Variants in RAD51B observed in about 807,000 individuals in gnomAD.
The protein encoded by RAD51B is DNA repair protein RAD51 homolog 2.
In RAD51B, 38 loss-of-function variants were observed where a neutral mutation model predicts 42.2. The ratio of observed to expected loss-of-function variants is 0.90; its 90% CI spans 0.70 to 1.18. RAD51B has a LOEUF of 1.18. Ranked by LOEUF, RAD51B falls within the 50% of genes most tolerant of loss-of-function variation. The pLI is 0.00. For missense variants in RAD51B, 373 were observed against 400.7 expected, an observed-to-expected ratio of 0.93 and a Z score of 0.59; for synonymous variants, 154 against 145.2, an observed-to-expected ratio of 1.06 and a Z score of -0.43.
chr14:67,905,351 G>A (rs986131830), intron 7 of RAD51B, among the ~76,000 whole-genome samples: 2 of 152,086 alleles, frequency 1.3e-5, no homozygotes, highest in African/African-American at 4.8e-5. Flanking sequence ...GTTGGGTAGT[G>A]TGATGCTTCT....
intron 10 of RAD51B, among the ~76,000 whole-genome samples, chr14:68,560,288 A>G (rs1258203504): frequency 6.6e-6 from 1 of 152,150 alleles, no homozygotes; most frequent in African/African-American, 2.4e-5. Flanking sequence ...TTCTTTTTCA[A>G]TTTCATAAAG....
intron 8 of RAD51B, among the ~76,000 whole-genome samples, chr14:68,371,036 C>CAAA (rs75617123): frequency 0.067 from 1,721 of 25,808 alleles, 275 homozygotes; most frequent in East Asian, 0.29. Context: ...GACTCTGTCT[C>CAAA]AAAAAAAAAA....
At chr14:68,389,651 TG>T (rs2083691697) in intron 8 of RAD51B, among the ~76,000 whole-genome samples, 1 of 152,260 alleles carries the variant, frequency 6.6e-6, no homozygotes, top group South Asian at 2.1e-4. Flanking sequence ...TCTACCAATG[TG>T]TTCTAAATGT....
chr14:68,628,659 C>T (rs1370151501), intron 10 of RAD51B, among the ~76,000 whole-genome samples: 1 of 152,164 alleles, frequency 6.6e-6, no homozygotes, highest in Non-Finnish European at 1.5e-5. Context: ...GTTGACTCTG[C>T]CGTTTGGGTC....
chr14:68,122,228 T>G (rs2077664776), intron 7 of RAD51B, among the ~76,000 whole-genome samples: 1 of 152,100 alleles, frequency 6.6e-6, no homozygotes, highest in African/African-American at 2.4e-5. Context: ...ATAACTAACT[T>G]TAAATACTAA....
intron 10 of RAD51B, among the ~76,000 whole-genome samples, chr14:68,536,076 C>T (rs144542590): frequency 3.3e-5 from 5 of 152,296 alleles, no homozygotes; most frequent in Middle Eastern, 3.4e-3. Flanking sequence ...GCAGGAAACA[C>T]AAGGCTCACA....
intron 10 of RAD51B, among the ~76,000 whole-genome samples, chr14:68,624,657 C>A (rs1412173630): frequency 6.6e-6 from 1 of 152,090 alleles, no homozygotes; most frequent in African/African-American, 2.4e-5. Context: ...GGAAGAGAAG[C>A]CTAGGTTCTC....
rs200026906 is a variant in RAD51B at position 67,899,342 on chromosome 14, C to T, written c.756+12138C>T. On this transcript the variant is annotated intron_variant, in intron 7 of 10. Coordinates refer to ENST00000471583, the MANE Select transcript of RAD51B (RefSeq NM_133510.4). The stretch of plus-strand genomic sequence containing the variant: ...GGGATTACAGGTGTGAGCCACCACA[C>T]CCGGCCTAGATTATTTTAATGTTGA... Among the ~76,000 whole-genome samples the T allele has an allele frequency of 4.6e-5, 7 of 152,238 alleles. No homozygotes were observed. In the East Asian group the frequency reaches 5.8e-4, roughly 13 times the overall value.
chr14:67,921,283 C>T (rs2044313513), intron 7 of RAD51B, among the ~76,000 whole-genome samples: 3 of 152,120 alleles, frequency 2.0e-5, no homozygotes, highest in Admixed American at 2.0e-4. Flanking sequence ...TCATAGCTTA[C>T]TGCAGCCCTG....
chr14:68,453,277 A>C (rs1323454881), intron 9 of RAD51B, among the ~76,000 whole-genome samples: 2 of 152,246 alleles, frequency 1.3e-5, no homozygotes, highest in Non-Finnish European at 2.9e-5. Flanking sequence ...CAAAGAGAGC[A>C]TGAATCTTTT....
chr14:67,885,791 A>G, intron 5 of RAD51B, 78 bp from the exon 6 acceptor site: 1 of 1,499,070 alleles, frequency 6.7e-7, no homozygotes, highest in South Asian at 1.4e-5. Context: ...TTTCTCAAGT[A>G]AAATTAATTA....
At chr14:68,426,914 G>A (rs1439626861) in intron 9 of RAD51B, among the ~76,000 whole-genome samples, 3 of 152,134 alleles carry the variant, frequency 2.0e-5, no homozygotes, top group African/African-American at 4.8e-5. Context: ...CCATCCACAG[G>A]CTGACTTTCC....
intron 7 of RAD51B, among the ~76,000 whole-genome samples, chr14:68,222,058 C>T (rs557409649): frequency 3.1e-4 from 47 of 152,210 alleles, no homozygotes; most frequent in African/African-American, 8.9e-4. Flanking sequence ...GGCATGGATG[C>T]GGTGAAAAGG....
chr14:68,319,901 T>C (rs2082127280), intron 8 of RAD51B, among the ~76,000 whole-genome samples: 1 of 152,234 alleles, frequency 6.6e-6, no homozygotes, highest in African/African-American at 2.4e-5. Context: ...TACTGCCTTC[T>C]AACAACCCTA....
rs145609052 is a variant in RAD51B at position 68,325,313 on chromosome 14, C to T, written c.853+33333C>T. On this transcript the variant is annotated intron_variant, in intron 8 of 10. Transcript: ENST00000471583. Reference sequence around the variant, plus strand: ...TAGTGAGAGCTATCATTATCAACAACCACCATCATAGGTACCCATTATCAG... The same window carrying T: ...TAGTGAGAGCTATCATTATCAACAATCACCATCATAGGTACCCATTATCAG... 9.1e-3 allele frequency among the ~76,000 whole-genome samples: 1,393 copies of T among 152,284 alleles called. 22 individuals are homozygous for T. The highest frequency in any genetic ancestry group is 0.032 in the African/African-American group (1,328 of 41,550).
At chr14:68,618,056 A>G (rs188101792) in intron 10 of RAD51B, among the ~76,000 whole-genome samples, 1 of 152,350 alleles carries the variant, frequency 6.6e-6, no homozygotes, top group East Asian at 1.9e-4. Context: ...TCCAAGATAT[A>G]AGGAAGCAGC....
chr14:68,613,705 T>C (rs569330682), downstream of RAD51B, among the ~76,000 whole-genome samples: 141 of 152,160 alleles, frequency 9.3e-4, 1 homozygote, highest in Middle Eastern at 6.8e-3. Context: ...CCACCCGCCT[T>C]GACCTCCCAA....
intron 7 of RAD51B, among the ~76,000 whole-genome samples, chr14:68,216,640 G>T (rs2079821680): frequency 6.6e-6 from 1 of 152,066 alleles, no homozygotes; most frequent in Non-Finnish European, 1.5e-5. Flanking sequence ...TATCCCAGTG[G>T]TTCCTTTATC....
chr14:67,823,372 G>C (rs956912881), intron 1 of RAD51B, 170 bp from the exon 2 acceptor site: 1 of 496,744 alleles, frequency 2.0e-6, no homozygotes, highest in East Asian at 3.1e-5. Context: ...CATTTAAAAA[G>C]GTTCTATAGC....
Sources: allele counts gnomAD v4.1 joint callset (sites outside exome capture counted in the v4.1 genomes callset), GRCh38; gene constraint gnomAD v4.1.1; transcripts MANE v1.5; gene names NCBI Gene and HGNC (gene_info 2026-07-23, HGNC 2026-07-21).